The following NRXN3 variants were observed in gnomAD, a reference collection of about 807,000 sequenced individuals.
NRXN3 encodes the protein neurexin III.
Under a neutral mutation model 137.6 loss-of-function variants are expected in NRXN3, and 32 were observed. That is an observed-to-expected ratio of 0.23 (90% confidence interval 0.18 to 0.31). The LOEUF (loss-of-function observed/expected upper bound fraction) is 0.31, where lower values mean the gene tolerates loss of function less well. NRXN3 is among the 10% of genes least tolerant of loss of function. NRXN3 has a pLI of 1.00. For synonymous variants in NRXN3, 798 were observed against 784.5 expected, an observed-to-expected ratio of 1.02 and a Z score of -0.29; for missense variants, 1,574 against 2,062.5, an observed-to-expected ratio of 0.76 and a Z score of 4.59.
At chr14:79,597,724 A>T (rs1490293890) in intron 16 of NRXN3, among the ~76,000 whole-genome samples, 1 of 152,146 alleles carries the variant, frequency 6.6e-6, no homozygotes, top group Non-Finnish European at 1.5e-5. Context: ...GGTCAGCGTG[A>T]TCCTTTTTCT....
chr14:78,911,302 A>G, intron 10 of NRXN3, among the ~76,000 whole-genome samples: 1 of 152,210 alleles, frequency 6.6e-6, no homozygotes, highest in Non-Finnish European at 1.5e-5. Flanking sequence ...TTCAGATATC[A>G]TCAACTGAAT....
intron 19 of NRXN3, among the ~76,000 whole-genome samples, chr14:79,698,941 T>C (rs1249421984): frequency 6.6e-6 from 1 of 152,048 alleles, no homozygotes; most frequent in Non-Finnish European, 1.5e-5. Context: ...GTTCCCATTT[T>C]TCAGAATTAA....
intron 20 of NRXN3, among the ~76,000 whole-genome samples, chr14:79,853,347 A>G (rs1440755761): frequency 6.6e-6 from 1 of 152,216 alleles, no homozygotes; most frequent in African/African-American, 2.4e-5. Context: ...TTTTAGTAGG[A>G]AAAAGTTTAA....
chr14:79,390,676 C>A (rs1433376375), intron 15 of NRXN3, among the ~76,000 whole-genome samples: 1 of 152,294 alleles, frequency 6.6e-6, no homozygotes, highest in East Asian at 1.9e-4. Flanking sequence ...ACAATGGCAG[C>A]TTCTTGGGAT....
intron 8 of NRXN3, among the ~76,000 whole-genome samples, chr14:78,756,943 G>GT (rs2152965120): frequency 6.6e-6 from 1 of 152,320 alleles, no homozygotes; most frequent in African/African-American, 2.4e-5. Context: ...TTAACAGGCT[G>GT]TTTTCTCTAC....
intron 15 of NRXN3, among the ~76,000 whole-genome samples, chr14:79,283,976 G>A (rs1289975155): frequency 6.6e-6 from 1 of 151,790 alleles, no homozygotes; most frequent in Non-Finnish European, 1.5e-5. Context: ...TAAAATGAAG[G>A]TTTACATTAT....
At chr14:79,259,682 T>C (rs565145594) in intron 15 of NRXN3, among the ~76,000 whole-genome samples, 4 of 143,008 alleles carry the variant, frequency 2.8e-5, no homozygotes, top group South Asian at 4.4e-4. Flanking sequence ...TAGATAGCTA[T>C]ATATATAGTT....
At chr14:78,453,353 G>C (rs1207274677) in intron 4 of NRXN3, among the ~76,000 whole-genome samples, 1 of 152,200 alleles carries the variant, frequency 6.6e-6, no homozygotes, top group Non-Finnish European at 1.5e-5. Context: ...TGGAAAATAA[G>C]GCAAGGTGCC....
intron 16 of NRXN3, among the ~76,000 whole-genome samples, chr14:79,497,463 C>T (rs745407921): frequency 9.9e-5 from 15 of 152,142 alleles, no homozygotes; most frequent in Non-Finnish European, 1.9e-4. Flanking sequence ...TTCCCTAGCT[C>T]ATTCTATTTT....
At chr14:78,188,375 G>C (rs891239646) in intron 1 of NRXN3, among the ~76,000 whole-genome samples, 1 of 152,192 alleles carries the variant, frequency 6.6e-6, no homozygotes, top group African/African-American at 2.4e-5. Context: ...TGTGATTCCA[G>C]GGAGGGAACT....
At chr14:79,709,010 A>T (rs2098792674) in intron 19 of NRXN3, among the ~76,000 whole-genome samples, 1 of 152,018 alleles carries the variant, frequency 6.6e-6, no homozygotes, top group Non-Finnish European at 1.5e-5. Flanking sequence ...ACAGGGAGAG[A>T]GGGAGGATGC....
chr14:78,376,802 T>C (rs906140705), intron 4 of NRXN3, among the ~76,000 whole-genome samples: 2 of 151,862 alleles, frequency 1.3e-5, no homozygotes, highest in African/African-American at 2.4e-5. Context: ...TTAACAGGGG[T>C]AGGTAAAGGG....
At chr14:79,238,335 T>C (rs1335281326) in intron 15 of NRXN3, among the ~76,000 whole-genome samples, 1 of 152,176 alleles carries the variant, frequency 6.6e-6, no homozygotes. Context: ...AAGTTATTTG[T>C]GTATACATTT....
chr14:79,273,502 T>C (rs1162509756), intron 15 of NRXN3, among the ~76,000 whole-genome samples: 1 of 151,522 alleles, frequency 6.6e-6, no homozygotes, highest in Non-Finnish European at 1.5e-5. Context: ...GGCGTGGTGG[T>C]GGGCACCTGT....
intron 15 of NRXN3, among the ~76,000 whole-genome samples, chr14:79,379,951 A>AT (rs2094417989): frequency 6.6e-6 from 1 of 151,874 alleles, no homozygotes; most frequent in African/African-American, 2.4e-5. Flanking sequence ...AGGCCAGTGT[A>AT]TAGGTGGGAA....
At chr14:79,858,295 A>G (rs553033159) in intron 20 of NRXN3, among the ~76,000 whole-genome samples, 1 of 152,300 alleles carries the variant, frequency 6.6e-6, no homozygotes, top group East Asian at 1.9e-4. Context: ...TATTGAAAGG[A>G]GAAAAAACAA....
At chr14:78,732,415 G>A (rs575735897) in intron 8 of NRXN3, among the ~76,000 whole-genome samples, 2 of 152,292 alleles carry the variant, frequency 1.3e-5, no homozygotes, top group East Asian at 1.9e-4. Context: ...TATCACTAAT[G>A]TCCATAGGTT....
intron 15 of NRXN3, among the ~76,000 whole-genome samples, chr14:79,073,836 G>T (rs2099691589): frequency 6.6e-6 from 1 of 152,116 alleles, no homozygotes; most frequent in Non-Finnish European, 1.5e-5. Context: ...TCTCAAGCCA[G>T]ACTGCCTGTG....
chr14:79,794,237 A>G (rs1026528914), intron 19 of NRXN3, among the ~76,000 whole-genome samples: 2 of 151,966 alleles, frequency 1.3e-5, no homozygotes, highest in Non-Finnish European at 2.9e-5. Context: ...GGTGGCAGGC[A>G]CCTGTAATCC....
Sources: allele counts gnomAD v4.1 joint callset (sites outside exome capture counted in the v4.1 genomes callset), GRCh38; gene constraint gnomAD v4.1.1; transcripts MANE v1.5; gene names NCBI Gene and HGNC (gene_info 2026-07-23, HGNC 2026-07-21).